The following ITGA9 variants were observed in gnomAD, a reference collection of about 807,000 sequenced individuals.
ITGA9 encodes the protein integrin alpha-9.
In ITGA9, 56 loss-of-function variants were observed where a neutral mutation model predicts 127.8. The observed-to-expected ratio is 0.44, with a 90% CI of 0.35 to 0.55. The LOEUF is 0.55. ITGA9 is among the 20% of genes least tolerant of loss of function. ITGA9 has a pLI of 0.00. For missense variants in ITGA9, 1,196 were observed against 1,347.1 expected, an observed-to-expected ratio of 0.89 and a Z score of 1.76; for synonymous variants, 508 against 514.5, an observed-to-expected ratio of 0.99 and a Z score of 0.17.
chr3:37,647,930 A>G (rs559134724), intron 16 of ITGA9, among the ~76,000 whole-genome samples: 3 of 152,296 alleles, frequency 2.0e-5, no homozygotes, highest in Admixed American at 1.3e-4. Flanking sequence ...ACCTGTTGAC[A>G]AACACTTAGG....
rs866750193 is a variant in ITGA9, at chr3:37,520,321, T to C, written c.1236+967T>C. Reference sequence around the variant, plus strand: ...CGCTGCGAAGAGGAGGGACTGTTTTTTGGGTGCCTACTCTGCCCTTTCTTT... The same window carrying C: ...CGCTGCGAAGAGGAGGGACTGTTTTCTGGGTGCCTACTCTGCCCTTTCTTT... On this transcript the variant is annotated intron_variant, in intron 11 of 27. Transcript: ENST00000264741. 2.6e-5 allele frequency among the ~76,000 whole-genome samples: 4 copies of C among 152,266 alleles called. No homozygotes were observed. In the Middle Eastern group the frequency reaches 0.01, roughly 388 times the overall value.
chr3:37,569,677 T>G (rs927842656), intron 15 of ITGA9, among the ~76,000 whole-genome samples: 1 of 152,192 alleles, frequency 6.6e-6, no homozygotes, highest in Non-Finnish European at 1.5e-5. Context: ...ACTTTTTGAG[T>G]GCTGACATGA....
intron 18 of ITGA9, among the ~76,000 whole-genome samples, chr3:37,706,395 T>C (rs148596270): frequency 6.6e-6 from 1 of 152,222 alleles, no homozygotes; most frequent in Non-Finnish European, 1.5e-5. Context: ...TACCTGTCAG[T>C]TGCAACGCCT....
chr3:37,454,626 C>G (rs961275858), intron 1 of ITGA9, among the ~76,000 whole-genome samples: 1 of 152,154 alleles, frequency 6.6e-6, no homozygotes, highest in Non-Finnish European at 1.5e-5. Flanking sequence ...AGTGCTTGTC[C>G]CCATAGCTGT....
rs1700789993 is a variant in ITGA9, at chr3:37,687,181, G to A, written c.2067+3166G>A. ...GTAGAACAATAGACTGTATGAAAAT[G>A]GAATGGACTGGGAGGCAAGCAAAAA... On this transcript the variant is annotated intron_variant, in intron 18 of 27. Transcript: ENST00000264741. Among the ~76,000 whole-genome samples, 3 of 152,202 alleles carry A rather than the reference G, an allele frequency of 2.0e-5. No individual in the cohort carries two copies. The South Asian group carries it at 6.2e-4, about 32-fold the overall frequency.
intron 8 of ITGA9, among the ~76,000 whole-genome samples, chr3:37,509,005 A>G (rs777719184): frequency 2.0e-5 from 3 of 152,118 alleles, no homozygotes; most frequent in Non-Finnish European, 2.9e-5. Context: ...GTAGCAATAA[A>G]TGCTTCTCAC....
chr3:37,453,079 G>A (rs1384556282), intron 1 of ITGA9, among the ~76,000 whole-genome samples: 2 of 149,212 alleles, frequency 1.3e-5, no homozygotes, highest in Non-Finnish European at 3.0e-5. Flanking sequence ...GGGTGTCTGG[G>A]ATCCACTGGG....
intron 23 of ITGA9, 67 bp from the exon 24 acceptor site, chr3:37,777,325 A>C: frequency 1.3e-6 from 2 of 1,564,694 alleles, no homozygotes. Context: ...CCTCTACAAT[A>C]AGAGGCTCCA....
At chr3:37,490,191 T>A (rs544021499) in intron 4 of ITGA9, among the ~76,000 whole-genome samples, 63 of 152,252 alleles carry the variant, frequency 4.1e-4, no homozygotes, top group Non-Finnish European at 4.9e-4. Flanking sequence ...TTAAAGCAGG[T>A]GACCAGGGGA....
chr3:37,715,297 C>T (rs959009952), intron 18 of ITGA9, among the ~76,000 whole-genome samples: 18 of 152,152 alleles, frequency 1.2e-4, no homozygotes, highest in Admixed American at 5.9e-4. Flanking sequence ...ATTCCAGCAA[C>T]GCTGTGGGTT....
At chr3:37,766,172 A>G (rs2125544973) in intron 23 of ITGA9, among the ~76,000 whole-genome samples, 1 of 152,350 alleles carries the variant, frequency 6.6e-6, no homozygotes, top group East Asian at 1.9e-4. Context: ...CCTGCCAAGG[A>G]CTAATTGTGT....
At chr3:37,558,349 G>C (rs1481098986) in intron 15 of ITGA9, among the ~76,000 whole-genome samples, 1 of 152,158 alleles carries the variant, frequency 6.6e-6, no homozygotes, top group Non-Finnish European at 1.5e-5. Flanking sequence ...TGGTGGAGGG[G>C]AAACAAAGAT....
intron 16 of ITGA9, among the ~76,000 whole-genome samples, chr3:37,637,075 C>T (rs1700286313): frequency 6.6e-6 from 1 of 152,184 alleles, no homozygotes; most frequent in Non-Finnish European, 1.5e-5. Flanking sequence ...GTGACGCCTC[C>T]AGCTTTGTTC....
chr3:37,730,702 C>T (rs17036839), intron 18 of ITGA9, among the ~76,000 whole-genome samples: 3,951 of 152,234 alleles, frequency 0.026, 173 homozygotes, highest in African/African-American at 0.09. Flanking sequence ...GCTCAGGGCG[C>T]GTTCTGAATC....
intron 1 of ITGA9, among the ~76,000 whole-genome samples, chr3:37,454,589 A>G (rs1443258819): frequency 1.3e-5 from 2 of 152,138 alleles, no homozygotes; most frequent in East Asian, 3.9e-4. Flanking sequence ...TCTTGTTCTG[A>G]TACAAGCTGG....
chr3:37,766,901 G>C (rs1575228362), intron 23 of ITGA9, among the ~76,000 whole-genome samples: 1 of 152,226 alleles, frequency 6.6e-6, no homozygotes. Flanking sequence ...GCCTCTCTCA[G>C]ACTACTTCCC....
intron 26 of ITGA9, 89 bp from the exon 27 acceptor site, chr3:37,803,734 A>T: frequency 1.3e-6 from 2 of 1,497,992 alleles, no homozygotes; most frequent in Non-Finnish European, 9.2e-7. Context: ...AGATTGTGCC[A>T]TTGCACTCCA....
intron 15 of ITGA9, among the ~76,000 whole-genome samples, chr3:37,564,354 T>C (rs1273743209): frequency 6.6e-6 from 1 of 152,238 alleles, no homozygotes; most frequent in Non-Finnish European, 1.5e-5. Context: ...CGATAAGACC[T>C]GTTTCAAGAT....
chr3:37,605,431 G>A (rs1391527725), intron 15 of ITGA9, among the ~76,000 whole-genome samples: 2 of 152,136 alleles, frequency 1.3e-5, no homozygotes, highest in African/African-American at 2.4e-5. Flanking sequence ...AAAGGAGCAG[G>A]AGAGCAAGCA....
Sources: gnomAD v4.1 joint callset for allele counts (sites outside exome capture counted in the v4.1 genomes callset) on GRCh38, gnomAD v4.1.1 for gene constraint, MANE v1.5 for transcripts, NCBI Gene and HGNC (gene_info 2026-07-23, HGNC 2026-07-21) for gene names.